Variants in ZCCHC24 observed in about 807,000 individuals in gnomAD.
The protein encoded by ZCCHC24 is zinc finger CCHC-type containing 24.
Under a neutral mutation model 26.2 loss-of-function variants are expected in ZCCHC24, and 10 were observed. The ratio of observed to expected loss-of-function variants is 0.38; its 90% CI spans 0.24 to 0.65. The LOEUF (loss-of-function observed/expected upper bound fraction) is 0.65. Among genes scored for constraint, ZCCHC24 ranks in the 30% least tolerant of loss-of-function variants. ZCCHC24 has a pLI of 0.54. For missense variants in ZCCHC24, 243 were observed against 329.1 expected, an observed-to-expected ratio of 0.74 and a Z score of 2.03; for synonymous variants, 144 against 147.1, an observed-to-expected ratio of 0.98 and a Z score of 0.15.
chr10:79,398,382 C>T (rs1429438659), intron 2 of ZCCHC24, among the ~76,000 whole-genome samples: 4 of 152,176 alleles, frequency 2.6e-5, no homozygotes, highest in South Asian at 2.1e-4. Context: ...CACATTCATG[C>T]GTGTAAAGGT....
At chr10:79,393,737 T>C (rs150702876) in intron 3 of ZCCHC24, among the ~76,000 whole-genome samples, 5,691 of 152,246 alleles carry the variant, frequency 0.037, 145 homozygotes, top group Middle Eastern at 0.099. Flanking sequence ...CCCCAAGTCC[T>C]TACAGCCTCA....
intron 2 of ZCCHC24, 139 bp from the exon 3 acceptor site, chr10:79,394,579 T>C (rs1856520213): frequency 7.0e-7 from 1 of 1,434,976 alleles, no homozygotes; most frequent in Admixed American, 2.7e-5. Flanking sequence ...GTCTAGATAA[T>C]ACCAGGGTCA....
At chr10:79,439,871 G>T (rs1857267813) in intron 1 of ZCCHC24, among the ~76,000 whole-genome samples, 1 of 151,906 alleles carries the variant, frequency 6.6e-6, no homozygotes, top group South Asian at 2.1e-4. Context: ...CTGGAAAGAG[G>T]TCTGCTCCCA....
At position 79,445,296 on chromosome 10, in the gene ZCCHC24, C is replaced by T. The variant is rs1857350347; in HGVS notation, c.145G>A (p.Ala49Thr). 6 of 1,484,790 alleles carry T rather than the reference C, an allele frequency of 4.0e-6. No homozygotes were observed. The highest frequency in any genetic ancestry group is 2.9e-5 in the East Asian group (1 of 34,064). 92.0% of individuals were successfully genotyped at this position (1,484,790 alleles called of 1,614,324 possible). ...TTGCCGAAGGCCAGCTCCGGGGGTGCGGCGCCGGCGGTCGGCTCGGGCCGG... is the reference window on the plus strand; with the variant it reads ...TTGCCGAAGGCCAGCTCCGGGGGTGTGGCGCCGGCGGTCGGCTCGGGCCGG... ...AFRPEPTAGA[A>T]PPELAFGKGR... is the part of the protein sequence containing the mutation. Residue 49 changes from alanine to threonine, a missense_variant, in exon 1 of 4, where the codon GCA becomes ACA. By Grantham distance (58) the Ala-to-Thr change is moderately conservative. Around this residue, in one of 2 missense-constraint regions of ZCCHC24, gnomAD observed 147 missense variants for 150.8 expected, o/e 0.97. Coordinates refer to ENST00000372336, the MANE Select transcript of ZCCHC24 (RefSeq NM_153367.4).
chr10:79,387,039 C>G (rs1217261500), intron 3 of ZCCHC24, among the ~76,000 whole-genome samples: 2 of 152,192 alleles, frequency 1.3e-5, no homozygotes, highest in African/African-American at 4.8e-5. Flanking sequence ...TCAAGGGAAG[C>G]CTAACCCGGA....
chr10:79,439,581 G>C (rs979213280), intron 1 of ZCCHC24, among the ~76,000 whole-genome samples: 1 of 152,160 alleles, frequency 6.6e-6, no homozygotes, highest in Non-Finnish European at 1.5e-5. Flanking sequence ...TAACTACTGA[G>C]ACAGACACAC....
intron 2 of ZCCHC24, among the ~76,000 whole-genome samples, chr10:79,411,977 T>C (rs1245868828): frequency 6.6e-6 from 1 of 152,078 alleles, no homozygotes; most frequent in African/African-American, 2.4e-5. Context: ...CTCCTGCCCT[T>C]CCCTGGCTCC....
In ZCCHC24 at chr10:79,445,399, C is replaced by T. The variant is rs1310238619; in HGVS notation, c.42G>A (p.Val14=). ...LSAIDTSAAS[V]YQPAQLLNWV... ...AGTTGAGCAGCTGGGCGGGCTGGTA[C>T]ACCGAGGCGGCGCTCGTGTCGATGG... The change falls in exon 1 of 4, where the codon GTG becomes GTA. Residue 14 remains valine (V), a synonymous_variant. Coordinates refer to ENST00000372336, the MANE Select transcript of ZCCHC24 (RefSeq NM_153367.4). 21 of 1,506,404 alleles carry T rather than the reference C, an allele frequency of 1.4e-5. No individual in the cohort carries two copies. Among genetic ancestry groups the T allele is most frequent in the Middle Eastern group, 1.8e-4 (1 of 5,678 alleles). The allele number at this position is 1,506,404 out of a possible 1,614,324, so 93.3% of individuals were successfully genotyped here.
intron 1 of ZCCHC24, among the ~76,000 whole-genome samples, chr10:79,437,704 C>A (rs376878832): frequency 6.6e-6 from 1 of 152,198 alleles, no homozygotes; most frequent in Non-Finnish European, 1.5e-5. Context: ...AGTGTCTCTG[C>A]GCTGCATGAG....
chr10:79,430,778 G>A (rs7098288), intron 2 of ZCCHC24, among the ~76,000 whole-genome samples: 10,058 of 151,848 alleles, frequency 0.066, 390 homozygotes, highest in East Asian at 0.18. Flanking sequence ...CCCTGGGGGA[G>A]GCCCTGCCAC....
intron 2 of ZCCHC24, among the ~76,000 whole-genome samples, chr10:79,405,244 C>A (rs10740500): frequency 0.51 from 77,415 of 152,072 alleles, 21,532 homozygotes; most frequent in East Asian, 0.85. Context: ...GAAATTTAAA[C>A]GAAATTCCCC....
chr10:79,444,347 G>C (rs1857330402), intron 1 of ZCCHC24: 2 of 1,251,328 alleles, frequency 1.6e-6, no homozygotes, highest in South Asian at 2.1e-5. Context: ...GGCGATCTGT[G>C]TATTTATCTT....
intron 2 of ZCCHC24, among the ~76,000 whole-genome samples, chr10:79,431,792 A>G (rs1015128242): frequency 6.6e-6 from 1 of 152,226 alleles, no homozygotes; most frequent in Non-Finnish European, 1.5e-5. Flanking sequence ...AAGTTGGAAA[A>G]TAGGAAAAAC....
chr10:79,437,364 C>T (rs916966140), intron 1 of ZCCHC24, among the ~76,000 whole-genome samples: 3 of 152,320 alleles, frequency 2.0e-5, no homozygotes, highest in African/African-American at 7.2e-5. Flanking sequence ...GTGGTTTACT[C>T]TGATCATGCG....
intron 1 of ZCCHC24, among the ~76,000 whole-genome samples, chr10:79,438,243 C>T (rs780745441): frequency 2.6e-5 from 4 of 152,200 alleles, no homozygotes; most frequent in Non-Finnish European, 4.4e-5. Context: ...CACACACGCA[C>T]CCACACTCCT....
At chr10:79,387,103 A>AC (rs1856407840) in intron 3 of ZCCHC24, among the ~76,000 whole-genome samples, 2 of 151,476 alleles carry the variant, frequency 1.3e-5, no homozygotes, top group South Asian at 4.2e-4. Context: ...GTGTTGATTG[A>AC]CCCCCACATC....
intron 2 of ZCCHC24, among the ~76,000 whole-genome samples, chr10:79,413,314 G>A (rs1307981943): frequency 6.6e-6 from 1 of 152,212 alleles, no homozygotes; most frequent in Non-Finnish European, 1.5e-5. Flanking sequence ...AGTGAGTGGC[G>A]GGACCCCTCC....
chr10:79,425,952 T>C (rs766399232), intron 2 of ZCCHC24, among the ~76,000 whole-genome samples: 18 of 152,228 alleles, frequency 1.2e-4, no homozygotes, highest in Admixed American at 5.9e-4. Context: ...GACTAGACCA[T>C]GGCCTAGGCA....
intron 2 of ZCCHC24, among the ~76,000 whole-genome samples, chr10:79,431,917 G>A (rs947241121): frequency 6.6e-6 from 1 of 152,214 alleles, no homozygotes; most frequent in Admixed American, 6.5e-5. Context: ...TCCTGTAGGT[G>A]GGCTGGCATG....
Sources: gnomAD v4.1 joint callset for allele counts (sites outside exome capture counted in the v4.1 genomes callset) on GRCh38, gnomAD v4.1.1 for gene constraint, gnomAD v4.1.1 regional missense constraint, MANE v1.5 for transcripts, NCBI Gene and HGNC (gene_info 2026-07-23, HGNC 2026-07-21) for gene names.